The following MARCHF1 variants were observed in gnomAD, a reference collection of about 807,000 sequenced individuals.
The protein encoded by MARCHF1 is E3 ubiquitin-protein ligase MARCHF1.
Under a neutral mutation model 54.2 loss-of-function variants are expected in MARCHF1, and 40 were observed. The ratio of observed to expected loss-of-function variants is 0.74; its 90% CI spans 0.57 to 0.96. The LOEUF is 0.96. Among genes scored for constraint, MARCHF1 ranks in the 40% least tolerant of loss-of-function variants. The probability of loss-of-function intolerance (pLI) is 0.00; values close to 1 mark genes in which losing one functional copy is unlikely to be tolerated. For synonymous variants in MARCHF1, 236 were observed against 236.3 expected (o/e 1.00, Z 0.01); for missense variants, 586 against 656.5 (o/e 0.89, Z 1.17).
At position 163,612,605 on chromosome 4, in the gene MARCHF1, C is replaced by T. The variant is rs979469880; in HGVS notation, c.676G>A (p.Glu226Lys). The T allele has an allele frequency of 6.5e-7, 1 of 1,535,600 alleles. No individual in the cohort carries two copies. The highest frequency in any genetic ancestry group is 8.7e-7 in the Non-Finnish European group (1 of 1,146,564). Residue 226 changes from glutamate to lysine, a missense_variant, in exon 7 of 10, where the codon GAG becomes AAG. Glu to Lys is a moderately conservative substitution (Grantham distance 56, BLOSUM62 1). Transcript: ENST00000514618. ...CTGTGGAGATTTAAAGAGCAACTCT[C>T]ACATTCAATCAGCTCTTGTTGCTCT... ...GKEQQELIEC[E>K]SCSLNLHRGK... is the part of the protein sequence containing the mutation.
intron 2 of MARCHF1, among the ~76,000 whole-genome samples, chr4:163,989,728 C>T (rs1266579443): frequency 6.6e-6 from 1 of 151,984 alleles, no homozygotes; most frequent in Non-Finnish European, 1.5e-5. Flanking sequence ...ATGATTATTC[C>T]CTCTTTTTCA....
At chr4:163,891,303 T>A (rs1283724041) in intron 3 of MARCHF1, among the ~76,000 whole-genome samples, 1 of 152,162 alleles carries the variant, frequency 6.6e-6, no homozygotes, top group Non-Finnish European at 1.5e-5. Flanking sequence ...TAATGGTGAA[T>A]AATTTTAATA....
intron 4 of MARCHF1, among the ~76,000 whole-genome samples, chr4:163,736,802 C>T (rs1746046746): frequency 1.3e-5 from 2 of 152,118 alleles, no homozygotes; most frequent in African/African-American, 4.8e-5. Flanking sequence ...TTACAGTCAA[C>T]AGATAGTTAT....
chr4:163,527,502 A>G lies in MARCHF1; in HGVS notation c.*1246T>C, dbSNP rs1423730418. 7.3e-5 allele frequency: 10 copies of G among 137,512 alleles called. No individual in the cohort carries two copies. The highest frequency in any genetic ancestry group is 2.5e-4 in the African/African-American group (10 of 39,680). The allele number at this position is 137,512 out of a possible 1,614,324, so 8.5% of individuals were successfully genotyped here. ...ATAGTAACAATTTATTTATTTCACA[A>G]CTCTGCTATAGGCAGATTGATTGTT... is the stretch of plus-strand genomic sequence containing the variant. On this transcript the variant is annotated 3_prime_UTR_variant, in exon 10 of 10. Coordinates refer to ENST00000514618, the MANE Select transcript of MARCHF1 (RefSeq NM_001394959.1).
At chr4:164,151,616 T>C (rs1729942320) in intron 1 of MARCHF1, among the ~76,000 whole-genome samples, 2 of 152,150 alleles carry the variant, frequency 1.3e-5, no homozygotes, top group African/African-American at 4.8e-5. Flanking sequence ...AACAGCTCCA[T>C]CATCTTCCCC....
intron 1 of MARCHF1, among the ~76,000 whole-genome samples, chr4:164,342,778 CAA>C (rs1729967571): frequency 6.6e-6 from 1 of 151,948 alleles, no homozygotes; most frequent in Non-Finnish European, 1.5e-5. Context: ...CACACACACA[CAA>C]AAACACACAA....
intron 1 of MARCHF1, among the ~76,000 whole-genome samples, chr4:164,229,585 G>A (rs1480160989): frequency 2.0e-5 from 3 of 152,142 alleles, no homozygotes; most frequent in Non-Finnish European, 4.4e-5. Flanking sequence ...TTCCCACATA[G>A]CTATAAAGAA....
intron 3 of MARCHF1, among the ~76,000 whole-genome samples, chr4:163,905,089 C>G (rs972838505): frequency 3.3e-5 from 5 of 151,958 alleles, no homozygotes; most frequent in African/African-American, 1.2e-4. Flanking sequence ...GGATAATGAT[C>G]CCTAAAGGTC....
intron 2 of MARCHF1, among the ~76,000 whole-genome samples, chr4:164,057,450 C>T (rs1314708935): frequency 1.3e-5 from 2 of 152,136 alleles, no homozygotes; most frequent in Admixed American, 6.5e-5. Context: ...TTATAATCTC[C>T]TTCATGTCTG....
At chr4:164,149,542 C>A (rs1362255863) in intron 1 of MARCHF1, among the ~76,000 whole-genome samples, 1 of 152,224 alleles carries the variant, frequency 6.6e-6, no homozygotes, top group South Asian at 2.1e-4. Context: ...CTTTTCAGAG[C>A]TTTTCTTCTT....
At chr4:163,698,134 G>T (rs1169411484) in intron 5 of MARCHF1, among the ~76,000 whole-genome samples, 1 of 152,110 alleles carries the variant, frequency 6.6e-6, no homozygotes, top group Non-Finnish European at 1.5e-5. Context: ...GAGTTACTCT[G>T]CTGTCCATCC....
At chr4:163,920,141 G>A (rs1751392759) in intron 3 of MARCHF1, among the ~76,000 whole-genome samples, 1 of 152,154 alleles carries the variant, frequency 6.6e-6, no homozygotes, top group Admixed American at 6.6e-5. Flanking sequence ...TCAAAGAATA[G>A]AAGCACTTAG....
intron 2 of MARCHF1, among the ~76,000 whole-genome samples, chr4:164,004,487 G>A (rs537780643): frequency 8.2e-4 from 125 of 151,828 alleles, no homozygotes; most frequent in South Asian, 2.9e-3. Flanking sequence ...CAAACATAAG[G>A]ATAACCTATA....
chr4:163,996,864 T>C (rs975383088), intron 2 of MARCHF1, among the ~76,000 whole-genome samples: 1 of 152,070 alleles, frequency 6.6e-6, no homozygotes, highest in African/African-American at 2.4e-5. Flanking sequence ...AGCTGCGTCC[T>C]AAAAGATGCT....
At chr4:164,009,600 A>G (rs1200610147) in intron 2 of MARCHF1, among the ~76,000 whole-genome samples, 1 of 152,228 alleles carries the variant, frequency 6.6e-6, no homozygotes, top group African/African-American at 2.4e-5. Context: ...CACCATGATC[A>G]AGTGGGATTC....
In MARCHF1 at chr4:164,153,030, C is replaced by T. The variant is rs115242873; in HGVS notation, c.-322-41368G>A. On this transcript the variant is annotated intron_variant, in intron 1 of 9. Coordinates refer to ENST00000514618, the MANE Select transcript of MARCHF1 (RefSeq NM_001394959.1). ...TTTGGGCACATGTTCTCAGAACCTC[C>T]CGAAAGCTGTGTCATGAGCCATGAT... Among the ~76,000 whole-genome samples, 896 of 152,110 alleles carry T rather than the reference C, an allele frequency of 5.9e-3. 9 individuals are homozygous for T. Among genetic ancestry groups the T allele is most frequent in the African/African-American group, 0.021 (856 of 41,500 alleles).
At chr4:163,859,056 ATTG>A (rs1749849417) in intron 3 of MARCHF1, among the ~76,000 whole-genome samples, 1 of 152,172 alleles carries the variant, frequency 6.6e-6, no homozygotes, top group Non-Finnish European at 1.5e-5. Flanking sequence ...CCAATAAGTA[ATTG>A]TTGATGATAC....
At chr4:164,338,452 T>C (rs1170830588) in intron 1 of MARCHF1, among the ~76,000 whole-genome samples, 3 of 152,232 alleles carry the variant, frequency 2.0e-5, no homozygotes, top group South Asian at 2.1e-4. Flanking sequence ...CGAATGTAAT[T>C]GGATCAAATT....
At chr4:164,373,724 T>G (rs1309475679) in intron 1 of MARCHF1, among the ~76,000 whole-genome samples, 3 of 152,162 alleles carry the variant, frequency 2.0e-5, no homozygotes, top group Non-Finnish European at 2.9e-5. Flanking sequence ...TCCAGAAAGA[T>G]CCACTATAAA....
Sources: gnomAD v4.1 joint callset for allele counts (sites outside exome capture counted in the v4.1 genomes callset) on GRCh38, gnomAD v4.1.1 for gene constraint, MANE v1.5 for transcripts, NCBI Gene and HGNC (gene_info 2026-07-23, HGNC 2026-07-21) for gene names.